The following CNTRL variants were observed in gnomAD, a reference collection of about 807,000 sequenced individuals.
CNTRL encodes centriolin.
CNTRL carries 233 observed loss-of-function variants against 303.7 expected under a neutral mutation model. That is an observed-to-expected ratio of 0.77 (90% CI 0.69 to 0.86). The LOEUF is 0.86. Among genes scored for constraint, CNTRL ranks in the 40% least tolerant of loss-of-function variants. The pLI, the probability that CNTRL is intolerant of heterozygous loss-of-function variation, is 0.00. For missense variants in CNTRL, 2,524 were observed against 2,650.6 expected, an observed-to-expected ratio of 0.95 and a Z score of 1.05; for synonymous variants, 900 against 922.2, an observed-to-expected ratio of 0.98 and a Z score of 0.44.
At chr9:121,140,586 T>C (rs1463868471) in intron 16 of CNTRL, 55 bp from the exon 17 acceptor site, 1 of 1,471,982 alleles carries the variant, frequency 6.8e-7, no homozygotes, top group East Asian at 2.4e-5. Flanking sequence ...AGTTCGTTAG[T>C]AGTGAAAATA....
chr9:121,088,251 ACT>A (rs2048423965), intron 2 of CNTRL, 43 bp from the exon 3 acceptor site: 17 of 919,084 alleles, frequency 1.8e-5, no homozygotes, highest in Admixed American at 1.8e-4. Flanking sequence ...AGTTTTGATA[ACT>A]CTTAAAAATT....
intron 16 of CNTRL, 23 bp downstream of exon 16, chr9:121,138,702 T>C (rs751797512): frequency 1.6e-5 from 26 of 1,611,960 alleles, no homozygotes; most frequent in South Asian, 3.3e-5. Flanking sequence ...TGTTTTAGAA[T>C]ACATTCTTAC....
At chr9:121,148,913 T>C in intron 24 of CNTRL, 52 bp downstream of exon 24, 1 of 1,506,072 alleles carries the variant, frequency 6.6e-7, no homozygotes. Context: ...TTTAATAACC[T>C]TTTACTGATT....
At chr9:121,148,637 T>C in intron 23 of CNTRL, 35 bp from the exon 24 acceptor site, 1 of 1,573,200 alleles carries the variant, frequency 6.4e-7, no homozygotes, top group Non-Finnish European at 8.7e-7. Flanking sequence ...TTTCCATTTA[T>C]AATAGATAGT....
rs538760376 is a variant in CNTRL, at chr9:121,087,760, C to A, written c.-31-536C>A. 9.2e-5 allele frequency among the ~76,000 whole-genome samples: 14 copies of A among 152,058 alleles called. No homozygotes were observed. The South Asian group carries it at 2.9e-3, about 32-fold the overall frequency. On this transcript the variant is annotated intron_variant, in intron 2 of 43. Transcript: ENST00000373855. Reference sequence around the variant, plus strand: ...AACCATGGGTGTGCATTAATTTGTCCAAGATAAGATTAGACAGAAACTAGA... The same window carrying A: ...AACCATGGGTGTGCATTAATTTGTCAAAGATAAGATTAGACAGAAACTAGA...
At position 121,161,820 on chromosome 9, in the gene CNTRL, T is replaced by C. The variant is rs753312523; in HGVS notation, c.5090-36T>C. ...TTTGTAAATGTTTTCCAAGTTCATTTAATATCATGGACCATGCTTTGTTTC... is the reference window on the plus strand; with the variant it reads ...TTTGTAAATGTTTTCCAAGTTCATTCAATATCATGGACCATGCTTTGTTTC... On this transcript the variant is annotated intron_variant, in intron 32 of 43. Transcript: ENST00000373855. 3.5e-6 allele frequency: 5 copies of C among 1,426,730 alleles called. No homozygotes were observed. The South Asian group carries it at 6.0e-5, about 17-fold the overall frequency. 88.4% of individuals were successfully genotyped at this position (1,426,730 alleles called of 1,614,324 possible).
At chr9:121,111,904 A>T (rs1007055837) in intron 8 of CNTRL, among the ~76,000 whole-genome samples, 5 of 152,192 alleles carry the variant, frequency 3.3e-5, no homozygotes, top group Non-Finnish European at 5.9e-5. Context: ...GCTTATTCAC[A>T]TCCCTTATTC....
At chr9:121,171,586 G>A in intron 40 of CNTRL, 38 bp downstream of exon 40, 1 of 1,601,910 alleles carries the variant, frequency 6.2e-7, no homozygotes, top group Non-Finnish European at 8.5e-7. Context: ...AGCCTGGGGA[G>A]AGAGGACTCA....
At position 121,119,331 on chromosome 9, in the gene CNTRL, C is replaced by G. The variant is rs143002964; in HGVS notation, c.1650+791C>G. On this transcript the variant is annotated intron_variant, in intron 12 of 43. Transcript: ENST00000373855. ...TCTCTCTCTTTTTTTTTTTTTTGCT[C>G]TGTCGCCAGGCTGGAGTGCAGTGGC... Among the ~76,000 whole-genome samples the G allele has an allele frequency of 6.4e-3, 800 of 125,978 alleles. 8 individuals carry two copies. The highest frequency in any genetic ancestry group is 0.022 in the African/African-American group (737 of 33,082). 82.6% of individuals were successfully genotyped at this position (125,978 alleles called of 152,430 possible). A position where few individuals can be genotyped will look rare whatever the true frequency, so the allele number is the denominator to read the frequency against.
rs200274515 is a variant in CNTRL, at chr9:121,173,342, A to G, written c.6517A>G (p.Lys2173Glu). 4 of 1,614,200 alleles carry G rather than the reference A, an allele frequency of 2.5e-6. No homozygotes were observed. The African/African-American group carries it at 4.0e-5, about 16-fold the overall frequency. Reference protein sequence around the residue: ...EVKDEIRTSLKNLNQFLPELP... With the variant: ...EVKDEIRTSLENLNQFLPELP... The stretch of plus-strand genomic sequence containing the variant: ...GAAGGATGAAATCAGAACCAGCTTG[A>G]AGAATCTTAATCAGTTTCTTCCAGA... The change falls in exon 41 of 44, where the codon AAG (lysine) becomes GAG (glutamate). Residue 2173 changes from lysine to glutamate, a missense_variant. Physicochemically the swap from Lys to Glu is moderately conservative, Grantham distance 56 (BLOSUM62 1). Transcript: ENST00000373855.
intron 7 of CNTRL, among the ~76,000 whole-genome samples, chr9:121,106,165 C>T (rs1400319744): frequency 1.3e-5 from 2 of 151,840 alleles, no homozygotes; most frequent in African/African-American, 2.4e-5. Context: ...ATGGCAAAAC[C>T]CCATCTCTAC....
At chr9:121,138,377 G>C (rs2051311651) in intron 15 of CNTRL, among the ~76,000 whole-genome samples, 168 bp from the exon 16 acceptor site, 1 of 152,172 alleles carries the variant, frequency 6.6e-6, no homozygotes, top group African/African-American at 2.4e-5. Flanking sequence ...TAAGGATTGT[G>C]TGAAAAAATT....
intron 12 of CNTRL, 38 bp downstream of exon 12, chr9:121,118,578 A>G (rs200296449): frequency 6.8e-7 from 1 of 1,468,622 alleles, no homozygotes; most frequent in Admixed American, 2.1e-5. Context: ...TTCTGTCTAC[A>G]TATTACATGT....
chr9:121,109,084 G>A (rs1284326142), intron 8 of CNTRL, among the ~76,000 whole-genome samples: 1 of 152,114 alleles, frequency 6.6e-6, no homozygotes, highest in Non-Finnish European at 1.5e-5. Context: ...AAAATCCATG[G>A]ATGCTCAAGT....
chr9:121,152,103 C>T (rs752735420), intron 25 of CNTRL: 29 of 191,104 alleles, frequency 1.5e-4, no homozygotes, highest in Middle Eastern at 2.5e-3. Flanking sequence ...TTTCCCCTTC[C>T]GTTCGTTCTT....
intron 5 of CNTRL, among the ~76,000 whole-genome samples, chr9:121,095,680 A>G (rs2048860650): frequency 6.6e-6 from 1 of 152,232 alleles, no homozygotes; most frequent in African/African-American, 2.4e-5. Flanking sequence ...AAATGAAAAA[A>G]AATGATTAAT....
chr9:121,164,846 T>C (rs2053019948), intron 34 of CNTRL, 97 bp from the exon 35 acceptor site: 1 of 830,116 alleles, frequency 1.2e-6, no homozygotes, highest in Non-Finnish European at 1.7e-6. Flanking sequence ...TCATTTATAC[T>C]TTCCATAACT....
chr9:121,084,074 A>G (rs1349946400), intron 2 of CNTRL, among the ~76,000 whole-genome samples: 2 of 152,220 alleles, frequency 1.3e-5, no homozygotes, highest in African/African-American at 2.4e-5. Context: ...ATCTTATTTC[A>G]TTAAATTTTT....
intron 7 of CNTRL, among the ~76,000 whole-genome samples, chr9:121,102,705 G>A (rs1178009310): frequency 1.3e-5 from 2 of 152,134 alleles, no homozygotes; most frequent in South Asian, 4.1e-4. Context: ...CAAACTCTCA[G>A]GATACAAAAT....
Sources: gnomAD v4.1 joint callset for allele counts (sites outside exome capture counted in the v4.1 genomes callset) on GRCh38, gnomAD v4.1.1 for gene constraint, MANE v1.5 for transcripts, NCBI Gene and HGNC (gene_info 2026-07-23, HGNC 2026-07-21) for gene names.